TENM2: variants seen among roughly 807,000 people sequenced by gnomAD.
TENM2 encodes teneurin-2.
A neutral mutation model predicts 245.2 loss-of-function variants in TENM2; 52 were observed. That is an observed-to-expected ratio of 0.21 (90% CI 0.17 to 0.27). The LOEUF (loss-of-function observed/expected upper bound fraction) is 0.27. TENM2 is among the 10% of genes least tolerant of loss of function. The pLI, the probability that TENM2 is intolerant of heterozygous loss-of-function variation, is 1.00. For synonymous variants in TENM2, 1,363 were observed against 1,438.9 expected (o/e 0.95, Z 1.19); for missense variants, 3,046 against 3,666.8 (o/e 0.83, Z 4.37).
At chr5:167,550,699 A>AGTGTGTGTGTGTGTGTGTGTGTGT (rs10581183) in intron 2 of TENM2, among the ~76,000 whole-genome samples, 1 of 114,190 alleles carries the variant, frequency 8.8e-6, no homozygotes, top group African/African-American at 3.5e-5. Context: ...TGTTGTTGTT[A>AGTGTGTGTGTGTGTGTGTGTGTGT]GTGTGTGTGT....
chr5:167,827,875 C>T (rs943244740), intron 2 of TENM2, among the ~76,000 whole-genome samples: 1 of 152,140 alleles, frequency 6.6e-6, no homozygotes, highest in African/African-American at 2.4e-5. Context: ...AATCCCTCTT[C>T]CCCTGCTGTG....
chr5:167,808,894 C>T (rs541661578), intron 2 of TENM2, among the ~76,000 whole-genome samples: 4 of 152,098 alleles, frequency 2.6e-5, no homozygotes, highest in Admixed American at 1.3e-4. Context: ...GACAATATTT[C>T]GTCAATACTA....
At chr5:168,015,968 G>A (rs1355201603) in intron 5 of TENM2, among the ~76,000 whole-genome samples, 1 of 152,156 alleles carries the variant, frequency 6.6e-6, no homozygotes, top group East Asian at 1.9e-4. Flanking sequence ...TGCACCGCTG[G>A]AGAGAAGCGG....
intron 2 of TENM2, among the ~76,000 whole-genome samples, chr5:167,765,859 C>G (rs530708638): frequency 1.3e-5 from 2 of 152,154 alleles, no homozygotes; most frequent in Admixed American, 6.5e-5. Context: ...CTACCATATA[C>G]TCTTCACAGG....
chr5:167,918,281 G>A (rs921589544), intron 3 of TENM2, among the ~76,000 whole-genome samples: 15 of 152,216 alleles, frequency 9.9e-5, no homozygotes, highest in African/African-American at 3.1e-4. Context: ...TATTGAGCGA[G>A]CGCTGAACAT....
At chr5:168,199,310 T>C (rs889396110) in intron 16 of TENM2, among the ~76,000 whole-genome samples, 196 bp downstream of exon 18, 1 of 152,232 alleles carries the variant, frequency 6.6e-6, no homozygotes, top group Admixed American at 6.5e-5. Flanking sequence ...AGATAGTCGT[T>C]CAAGACTTTG....
intron 2 of TENM2, among the ~76,000 whole-genome samples, chr5:167,460,136 G>C (rs1299266905): frequency 6.6e-6 from 1 of 152,088 alleles, no homozygotes; most frequent in African/African-American, 2.4e-5. Context: ...GGTCCAGATA[G>C]GTTAAGTAAT....
chr5:167,805,795 C>G (rs2150969056), intron 2 of TENM2, among the ~76,000 whole-genome samples: 1 of 152,204 alleles, frequency 6.6e-6, no homozygotes, highest in South Asian at 2.1e-4. Context: ...TGAGTAGTTT[C>G]AGGAGTTTAT....
intron 3 of TENM2, among the ~76,000 whole-genome samples, chr5:167,940,683 A>G (rs1452088369): frequency 6.6e-6 from 1 of 152,216 alleles, no homozygotes; most frequent in Non-Finnish European, 1.5e-5. Context: ...ATTTCTTGCA[A>G]TATTTTCTTC....
At chr5:168,109,871 G>A (rs543095848) in intron 9 of TENM2, among the ~76,000 whole-genome samples, 1 of 152,286 alleles carries the variant, frequency 6.6e-6, no homozygotes, top group East Asian at 1.9e-4. Context: ...GGAAGTTGCA[G>A]TGCACATTAT....
At chr5:167,244,853 G>C in the TENM2 span, among the ~76,000 whole-genome samples, 263 of 152,184 alleles carry the variant, frequency 1.7e-3, 1 homozygote, top group African/African-American at 6.1e-3. Flanking sequence ...CTGTGTTTGT[G>C]TGTAGTTGGA....
chr5:167,731,447 T>A (rs932342334), intron 2 of TENM2, among the ~76,000 whole-genome samples: 3 of 152,116 alleles, frequency 2.0e-5, no homozygotes, highest in Non-Finnish European at 4.4e-5. Flanking sequence ...TTGATCTTTA[T>A]CTTACTCTGA....
At chr5:167,217,901 CT>C in the TENM2 span, among the ~76,000 whole-genome samples, 1 of 3,762 alleles carries the variant, frequency 2.7e-4, no homozygotes, top group South Asian at 0.026. Flanking sequence ...TGGATGTCCC[CT>C]CCATGTGATG....
chr5:167,820,717 C>T (rs930787803), intron 2 of TENM2, among the ~76,000 whole-genome samples: 1 of 152,228 alleles, frequency 6.6e-6, no homozygotes, highest in Non-Finnish European at 1.5e-5. Context: ...TGACTGGCCC[C>T]TCAAACATAG....
At chr5:167,155,454 G>T in the TENM2 span, among the ~76,000 whole-genome samples, 1 of 152,160 alleles carries the variant, frequency 6.6e-6, no homozygotes, top group East Asian at 1.9e-4. Flanking sequence ...ATTCAAGAAG[G>T]GGAGGTCACA....
chr5:167,995,160 C>G (rs1041604584), intron 5 of TENM2, among the ~76,000 whole-genome samples: 5 of 152,154 alleles, frequency 3.3e-5, no homozygotes, highest in African/African-American at 1.2e-4. Flanking sequence ...GCCTTCTACT[C>G]TACTTCCAGG....
chr5:167,445,508 A>G (rs972301043), intron 2 of TENM2, among the ~76,000 whole-genome samples: 3 of 152,052 alleles, frequency 2.0e-5, no homozygotes, highest in Non-Finnish European at 4.4e-5. Flanking sequence ...AATTTTATCC[A>G]ATGCAAAGTT....
the TENM2 span, among the ~76,000 whole-genome samples, chr5:167,089,074 T>C: frequency 4.6e-5 from 7 of 152,324 alleles, no homozygotes; most frequent in Non-Finnish European, 1.0e-4. Context: ...ATGAAACAAA[T>C]GGAAAGTCTT....
chr5:167,199,419 G>A, the TENM2 span, among the ~76,000 whole-genome samples: 1 of 152,036 alleles, frequency 6.6e-6, no homozygotes, highest in Non-Finnish European at 1.5e-5. Context: ...CTTGGCCATC[G>A]TTTGCATTAC....
Sources: allele counts gnomAD v4.1 joint callset (sites outside exome capture counted in the v4.1 genomes callset), GRCh38; gene constraint gnomAD v4.1.1; transcripts MANE v1.5; gene names NCBI Gene and HGNC (gene_info 2026-07-23, HGNC 2026-07-21).